FBXW10: variants seen among roughly 807,000 people sequenced by gnomAD.
The protein encoded by FBXW10 is F-box and WD repeat domain containing 10.
Under a neutral mutation model 113.1 loss-of-function variants are expected in FBXW10, and 68 were observed. The ratio of observed to expected loss-of-function variants is 0.60; its 90% CI spans 0.49 to 0.74. The LOEUF (loss-of-function observed/expected upper bound fraction) is 0.74, where lower values mean the gene tolerates loss of function less well. FBXW10 is among the 30% of genes least tolerant of loss of function. FBXW10 has a pLI of 0.00. For synonymous variants in FBXW10, 289 were observed against 481.6 expected, an observed-to-expected ratio of 0.60 and a Z score of 5.24; for missense variants, 753 against 1,284.5, an observed-to-expected ratio of 0.59 and a Z score of 6.32.
chr17:18,771,104 C>CG (rs2035602991), intron 11 of FBXW10, among the ~76,000 whole-genome samples: 6 of 142,314 alleles, frequency 4.2e-5, no homozygotes, highest in South Asian at 2.2e-4. Context: ...AGTCATGCTG[C>CG]TAAAAAAAAA....
intron 2 of FBXW10, among the ~76,000 whole-genome samples, chr17:18,748,785 T>C (rs1246330548): frequency 3.9e-5 from 6 of 152,216 alleles, no homozygotes; most frequent in Admixed American, 1.3e-4. Flanking sequence ...GGCTCTGGCA[T>C]GGTGGCCAGC....
intron 7 of FBXW10, among the ~76,000 whole-genome samples, chr17:18,760,767 G>A (rs112015776): frequency 0.11 from 14,777 of 134,240 alleles, no homozygotes; most frequent in African/African-American, 0.24. Flanking sequence ...CAACAAGAGC[G>A]AAACTCGGTC....
At chr17:18,757,763 A>T (rs2151804195) in intron 6 of FBXW10, among the ~76,000 whole-genome samples, 1 of 152,360 alleles carries the variant, frequency 6.6e-6, no homozygotes, top group South Asian at 2.1e-4. Flanking sequence ...TGATTGAAAG[A>T]CTAATTCAAC....
rs1271163010 is a variant in FBXW10 at position 18,744,659 on chromosome 17, TTAC to T, written c.417_419del (p.Leu141del). The T allele has an allele frequency of 6.2e-7, 1 of 1,613,860 alleles. No homozygotes were observed. The highest frequency in any genetic ancestry group is 8.5e-7 in the Non-Finnish European group (1 of 1,179,880). ...GTGGACCAAGGCGAATTATACTCTC[TTAC>T]TGCTGCAGATGTGCAACCCCAAATT... On this transcript the variant is annotated inframe_deletion, in exon 1 of 14. Transcript: ENST00000395665.
intron 6 of FBXW10, among the ~76,000 whole-genome samples, chr17:18,757,358 A>T (rs2035286586): frequency 6.6e-6 from 1 of 152,052 alleles, no homozygotes; most frequent in Non-Finnish European, 1.5e-5. Flanking sequence ...TAATTTCTGA[A>T]TTTTTTTGTA....
intron 13 of FBXW10, among the ~76,000 whole-genome samples, chr17:18,775,781 G>GCT (rs2035687391): frequency 6.6e-6 from 1 of 152,098 alleles, no homozygotes; most frequent in Non-Finnish European, 1.5e-5. Context: ...TAATTCCAGT[G>GCT]CTTTGGGAGA....
chr17:18,744,540 G>A lies in FBXW10; in HGVS notation c.296G>A (p.Gly99Glu). 4.3e-6 allele frequency: 7 copies of A among 1,613,976 alleles called. No individual in the cohort carries two copies. The highest frequency in any genetic ancestry group is 5.9e-6 in the Non-Finnish European group (7 of 1,179,870). The change falls in exon 1 of 14, where the codon GGG becomes GAG. Residue 99 changes from glycine to glutamate, a missense_variant. Physicochemically the swap from Gly to Glu is moderately conservative, Grantham distance 98. Coordinates refer to ENST00000395665, the MANE Select transcript of FBXW10 (RefSeq NM_001267585.2). ...RSRINLSKKE[G>E]KVVKSSLNQM... ...CGGATCAACCTCAGCAAGAAAGAGG[G>A]GAAAGTTGTGAAGTCCTCCTTGAAC...
chr17:18,769,478 A>T (rs1313057906), intron 10 of FBXW10: 1 of 155,488 alleles, frequency 6.4e-6, no homozygotes, highest in African/African-American at 2.4e-5. Flanking sequence ...TACTTCCACA[A>T]TTATAAAATG....
intron 7 of FBXW10, among the ~76,000 whole-genome samples, chr17:18,759,101 TG>T (rs1305317647): frequency 6.6e-6 from 1 of 151,440 alleles, no homozygotes; most frequent in African/African-American, 2.4e-5. Context: ...ACCTGGGAGG[TG>T]GAGCTTGCAG....
In FBXW10 at chr17:18,744,625, C is replaced by A. The variant is rs760915440; in HGVS notation, c.381C>A (p.Asn127Lys). The A allele has an allele frequency of 6.8e-6, 11 of 1,613,956 alleles. No individual in the cohort carries two copies. The African/African-American group carries it at 9.3e-5, about 14-fold the overall frequency. ...KMKEILYWFA[N>K]STQWTKANYT... ...AAGAGATCTTGTACTGGTTTGCGAA[C>A]AGCACCCAGTGGACCAAGGCGAATT... is the stretch of plus-strand genomic sequence containing the variant. The change falls in exon 1 of 14, where the codon AAC (asparagine) becomes AAA (lysine). Residue 127 changes from asparagine (N) to lysine (K), a missense_variant. Physicochemically the swap from Asn to Lys is moderately conservative, Grantham distance 94 (BLOSUM62 0). Coordinates refer to ENST00000395665, the MANE Select transcript of FBXW10 (RefSeq NM_001267585.2).
At chr17:18,752,871 G>A (rs1402499050) in intron 5 of FBXW10, among the ~76,000 whole-genome samples, 4 of 152,132 alleles carry the variant, frequency 2.6e-5, no homozygotes, top group South Asian at 2.1e-4. Flanking sequence ...TCATTTGAAC[G>A]TGGACCTGTT....
At chr17:18,774,327 C>T (rs2035666093) in intron 12 of FBXW10, among the ~76,000 whole-genome samples, 1 of 152,184 alleles carries the variant, frequency 6.6e-6, no homozygotes, top group Admixed American at 6.5e-5. Flanking sequence ...TTCACTTTTC[C>T]CTGTCACATA....
Position 18,748,763 on chromosome 17 carries a change from G to T in FBXW10, c.670+658G>T, listed in dbSNP as rs544853836. ...TCTCTGCTCTGGGCCACAATCCATT[G>T]TCTAGTCCCTGGGCTCTGGCATGGT... On this transcript the variant is annotated intron_variant, in intron 2 of 13. Coordinates refer to ENST00000395665, the MANE Select transcript of FBXW10 (RefSeq NM_001267585.2). Among the ~76,000 whole-genome samples the T allele has an allele frequency of 2.6e-5, 4 of 152,294 alleles. No individual in the cohort carries two copies. In the South Asian group the frequency reaches 8.3e-4, roughly 32 times the overall value.
At chr17:18,747,519 G>C (rs914205074) in intron 1 of FBXW10, among the ~76,000 whole-genome samples, 1 of 152,100 alleles carries the variant, frequency 6.6e-6, no homozygotes, top group Non-Finnish European at 1.5e-5. Flanking sequence ...CCGAGCCATT[G>C]CACTCCACCC....
chr17:18,756,621 G>A (rs1321261032), intron 6 of FBXW10, among the ~76,000 whole-genome samples: 1 of 151,774 alleles, frequency 6.6e-6, no homozygotes, highest in Non-Finnish European at 1.5e-5. Flanking sequence ...TTTAGTAGAA[G>A]TGGTGTTATA....
At chr17:18,752,133 T>C (rs1360051437) in intron 5 of FBXW10, among the ~76,000 whole-genome samples, 1 of 152,152 alleles carries the variant, frequency 6.6e-6, no homozygotes, top group Non-Finnish European at 1.5e-5. Context: ...ATCTAGCTCA[T>C]ATGACCTGTA....
At chr17:18,754,617 T>C (rs2035225548) in intron 5 of FBXW10, among the ~76,000 whole-genome samples, 1 of 150,842 alleles carries the variant, frequency 6.6e-6, no homozygotes, top group South Asian at 2.1e-4. Flanking sequence ...CTGTTATTTC[T>C]GGCTATTTGA....
intron 11 of FBXW10, 114 bp downstream of exon 11, chr17:18,770,199 A>G (rs2035585996): frequency 6.8e-7 from 1 of 1,480,850 alleles, no homozygotes; most frequent in Admixed American, 1.9e-5. Flanking sequence ...AGAGTGTGCA[A>G]TGCCTCTCTA....
chr17:18,745,252 T>C (rs2035018865), intron 1 of FBXW10: 2 of 964,612 alleles, frequency 2.1e-6, no homozygotes, highest in Non-Finnish European at 2.5e-6. Context: ...AACCTTAAAG[T>C]AGAGTTTCTC....
Sources: allele counts gnomAD v4.1 joint callset (sites outside exome capture counted in the v4.1 genomes callset), GRCh38; gene constraint gnomAD v4.1.1; transcripts MANE v1.5; gene names NCBI Gene and HGNC (gene_info 2026-07-23, HGNC 2026-07-21).